The following ADAMTSL1 variants were observed in gnomAD, a reference collection of about 807,000 sequenced individuals.
The protein encoded by ADAMTSL1 is ADAMTS like 1.
A neutral mutation model predicts 201.8 loss-of-function variants in ADAMTSL1; 126 were observed. The observed-to-expected ratio is 0.62, with a 90% CI of 0.54 to 0.72. The LOEUF is 0.72. Among genes scored for constraint, ADAMTSL1 ranks in the 30% least tolerant of loss-of-function variants. The pLI, the probability that ADAMTSL1 is intolerant of heterozygous loss-of-function variation, is 0.00. For missense variants in ADAMTSL1, 2,679 were observed against 2,277.8 expected (o/e 1.18, Z -3.59); for synonymous variants, 1,121 against 903.4 (o/e 1.24, Z -4.32).
In ADAMTSL1 at chr9:18,671,945, G is replaced by A. The variant is rs182238551; in HGVS notation, c.1086-3912G>A. ...CCAGCTACTCAGGAGGCCGAGGCAG[G>A]AGAATGGCGTGAACCTGAGAGGAGG... On this transcript the variant is annotated intron_variant, in intron 9 of 28. Coordinates refer to ENST00000380548, the MANE Select transcript of ADAMTSL1 (RefSeq NM_001040272.6). Among the ~76,000 whole-genome samples the A allele has an allele frequency of 3.5e-3, 538 of 152,224 alleles. 1 individual carries two copies. The highest frequency in any genetic ancestry group is 9.3e-3 in the Admixed American group (142 of 15,296).
chr9:18,429,578 A>G (rs1819390787), intron 2 of ADAMTSL1, among the ~76,000 whole-genome samples: 1 of 152,150 alleles, frequency 6.6e-6, no homozygotes, highest in South Asian at 2.1e-4. Flanking sequence ...GGATTCCCTC[A>G]ATCCTGGAAA....
At chr9:17,994,904 A>G (rs1413903424) in intron 1 of ADAMTSL1, among the ~76,000 whole-genome samples, 3 of 152,176 alleles carry the variant, frequency 2.0e-5, no homozygotes, top group African/African-American at 4.8e-5. Context: ...AATAGATGAG[A>G]CCTCGCCCTT....
chr9:18,568,670 G>T (rs960218545), intron 3 of ADAMTSL1, among the ~76,000 whole-genome samples: 2 of 152,004 alleles, frequency 1.3e-5, no homozygotes, highest in African/African-American at 4.8e-5. Flanking sequence ...AGTGTGGAGG[G>T]GCAGTATGGG....
chr9:18,673,004 A>T (rs1434461891), intron 9 of ADAMTSL1, among the ~76,000 whole-genome samples: 1 of 152,158 alleles, frequency 6.6e-6, no homozygotes, highest in Non-Finnish European at 1.5e-5. Context: ...TAATGAAGGC[A>T]CTGGAGAATG....
chr9:18,824,930 T>C (rs2131230347), intron 21 of ADAMTSL1, among the ~76,000 whole-genome samples: 1 of 152,214 alleles, frequency 6.6e-6, no homozygotes, highest in East Asian at 1.9e-4. Flanking sequence ...ACTCCTGACC[T>C]TGTGATCTGT....
chr9:18,533,290 G>A lies in ADAMTSL1; in HGVS notation c.235G>A (p.Val79Met). 3 of 1,609,170 alleles carry A rather than the reference G, an allele frequency of 1.9e-6. No homozygotes were observed. The highest frequency in any genetic ancestry group is 2.5e-6 in the Non-Finnish European group (3 of 1,177,696). ...RNIRYRTCSN[V>M]DCPPEAGDFR... ...TATCCGATACAGAACATGCAGTAATGTGGTAAGTATAAGGTTCTGAGATTG... is the reference window on the plus strand; with the variant it reads ...TATCCGATACAGAACATGCAGTAATATGGTAAGTATAAGGTTCTGAGATTG... Residue 79 changes from valine to methionine, a missense_variant and splice_region_variant, in exon 3 of 29, where the codon GTG becomes ATG. By Grantham distance (21) the Val-to-Met change is conservative. Coordinates refer to ENST00000380548, the MANE Select transcript of ADAMTSL1 (RefSeq NM_001040272.6).
intron 1 of ADAMTSL1, among the ~76,000 whole-genome samples, chr9:18,122,728 G>C (rs1294654114): frequency 6.6e-6 from 1 of 152,136 alleles, no homozygotes; most frequent in Non-Finnish European, 1.5e-5. Context: ...CAGCGGTGCT[G>C]GTACTAATTC....
At chr9:18,043,120 A>G (rs1821500533) in intron 1 of ADAMTSL1, among the ~76,000 whole-genome samples, 1 of 152,142 alleles carries the variant, frequency 6.6e-6, no homozygotes, top group South Asian at 2.1e-4. Flanking sequence ...CAAACTTGCC[A>G]CATGTCACAA....
At chr9:18,709,342 G>C (rs1296684226) in intron 14 of ADAMTSL1, among the ~76,000 whole-genome samples, 1 of 152,080 alleles carries the variant, frequency 6.6e-6, no homozygotes, top group Non-Finnish European at 1.5e-5. Context: ...CACCCACAAG[G>C]TTATATATAT....
intron 23 of ADAMTSL1, among the ~76,000 whole-genome samples, chr9:18,833,199 C>CT (rs548082679): frequency 2.8e-4 from 43 of 152,326 alleles, no homozygotes; most frequent in African/African-American, 9.9e-4. Context: ...CTCTCATACT[C>CT]TTGACCACAT....
At chr9:18,865,888 G>C (rs1314431532) in intron 23 of ADAMTSL1, among the ~76,000 whole-genome samples, 1 of 152,068 alleles carries the variant, frequency 6.6e-6, no homozygotes, top group East Asian at 1.9e-4. Context: ...CCTGCTGATG[G>C]CCTCTTTCCT....
At chr9:17,915,924 T>C (rs1159141077) in intron 1 of ADAMTSL1, among the ~76,000 whole-genome samples, 1 of 152,106 alleles carries the variant, frequency 6.6e-6, no homozygotes, top group East Asian at 1.9e-4. Context: ...ACATTCTGGC[T>C]GTGAATTTTT....
At chr9:18,716,242 C>T (rs1015453977) in intron 14 of ADAMTSL1, among the ~76,000 whole-genome samples, 4 of 151,988 alleles carry the variant, frequency 2.6e-5, no homozygotes, top group African/African-American at 9.7e-5. Flanking sequence ...CAAATGGGAT[C>T]TAATTAAACT....
chr9:18,438,878 A>G (rs977790965), intron 2 of ADAMTSL1, among the ~76,000 whole-genome samples: 8 of 151,976 alleles, frequency 5.3e-5, no homozygotes, highest in African/African-American at 1.9e-4. Flanking sequence ...ACGGTCCACT[A>G]CACCCAGGCA....
Position 18,640,608 on chromosome 9 carries a change from G to A in ADAMTSL1, c.834+1197G>A, listed in dbSNP as rs368470459. Among the ~76,000 whole-genome samples, 9 of 152,080 alleles carry A rather than the reference G, an allele frequency of 5.9e-5. No individual in the cohort carries two copies. The East Asian group carries it at 7.7e-4, about 13-fold the overall frequency. ...AATAACCCATAGGCACAACAAGCCC[G>A]ACATGCGTAAGTTTAACTTGAGCCC... On this transcript the variant is annotated intron_variant, in intron 7 of 28. Transcript: ENST00000380548.
At chr9:18,473,948 T>G (rs1348901538), upstream of ADAMTSL1, 1 of 399,540 alleles carries the variant, frequency 2.5e-6, no homozygotes, top group South Asian at 7.2e-5. Flanking sequence ...TTTTCCCCCT[T>G]TTTTGCTCGC....
At chr9:18,846,056 G>A (rs1441663732) in intron 23 of ADAMTSL1, among the ~76,000 whole-genome samples, 1 of 152,198 alleles carries the variant, frequency 6.6e-6, no homozygotes, top group Non-Finnish European at 1.5e-5. Context: ...ACAGTGTACT[G>A]TGAGCCAAGG....
At chr9:18,333,088 A>G (rs1301612752) in intron 2 of ADAMTSL1, among the ~76,000 whole-genome samples, 1 of 152,212 alleles carries the variant, frequency 6.6e-6, no homozygotes, top group Non-Finnish European at 1.5e-5. Context: ...CAGATTATCT[A>G]GCAAGTAAAG....
chr9:18,261,457 A>T (rs898159358), intron 2 of ADAMTSL1, among the ~76,000 whole-genome samples: 3 of 152,174 alleles, frequency 2.0e-5, no homozygotes, highest in Admixed American at 1.3e-4. Context: ...GAAGCTCGAG[A>T]TACATCTAGG....
Sources: gnomAD v4.1 joint callset for allele counts (sites outside exome capture counted in the v4.1 genomes callset) on GRCh38, gnomAD v4.1.1 for gene constraint, MANE v1.5 for transcripts, NCBI Gene and HGNC (gene_info 2026-07-23, HGNC 2026-07-21) for gene names.